C6orf62: variants seen among roughly 807,000 people sequenced by gnomAD.
C6orf62 encodes chromosome 6 open reading frame 62, also known as uncharacterized protein C6orf62.
C6orf62 carries 16 observed loss-of-function variants against 26.8 expected under a neutral mutation model. That is an observed-to-expected ratio of 0.60 (90% confidence interval 0.40 to 0.91). The LOEUF (loss-of-function observed/expected upper bound fraction) is 0.91, where lower values mean the gene tolerates loss of function less well. Ranked by LOEUF, C6orf62 falls within the 40% of genes least tolerant of loss-of-function variation. The probability of loss-of-function intolerance (pLI) is 0.00; values close to 1 mark genes in which losing one functional copy is unlikely to be tolerated. For missense variants in C6orf62, 192 were observed against 271.4 expected (o/e 0.71, Z 2.06); for synonymous variants, 112 against 91.5 (o/e 1.22, Z -1.28).
upstream of C6orf62, chr6:24,720,296 G>A (rs1273408021): frequency 1.1e-5 from 14 of 1,294,412 alleles, no homozygotes; most frequent in Non-Finnish European, 1.4e-5. Flanking sequence ...GGCGGCGGCG[G>A]CGGGGGCGCT....
At chr6:24,717,250 T>C (rs1779253541) in intron 1 of C6orf62, among the ~76,000 whole-genome samples, 1 of 152,186 alleles carries the variant, frequency 6.6e-6, no homozygotes, top group Non-Finnish European at 1.5e-5. Flanking sequence ...AATATATAGA[T>C]TAAATACAAA....
chr6:24,720,556 C>A (rs1039360300), upstream of C6orf62: 4 of 234,260 alleles, frequency 1.7e-5, no homozygotes, highest in Non-Finnish European at 2.1e-5. Flanking sequence ...TGGATTGGTA[C>A]TGGCGGCGGA....
At chr6:24,710,622 T>C in intron 3 of C6orf62, 1 of 984,118 alleles carries the variant, frequency 1.0e-6, no homozygotes, top group Non-Finnish European at 1.2e-6. Flanking sequence ...TAACAGTAAG[T>C]AACACGGGAA....
chr6:24,719,714 G>A (rs1779315385), upstream of C6orf62: 1 of 1,504,388 alleles, frequency 6.6e-7, no homozygotes, highest in Non-Finnish European at 8.9e-7. Flanking sequence ...CAAAATGGTG[G>A]GGAGTGCGAT....
At chr6:24,720,270 TGGCGGCGGCGGAAGA>T (rs1554193160), upstream of C6orf62, 11 of 1,294,448 alleles carry the variant, frequency 8.5e-6, no homozygotes, top group South Asian at 1.2e-4. Flanking sequence ...GGCGGAGCGG[TGGCGGCGGCGGAAGA>T]GGCGGCGGCG....
At chr6:24,719,401 G>A (rs1233320253), upstream of C6orf62, 1 of 1,027,372 alleles carries the variant, frequency 9.7e-7, no homozygotes, top group Non-Finnish European at 1.2e-6. Context: ...GAGAGGTACA[G>A]GGTTTCCCTG....
Position 24,718,836 on chromosome 6 carries a change from G to C in C6orf62, c.-168C>G. On this transcript the variant is annotated 5_prime_UTR_variant, in exon 1 of 5. Transcript: ENST00000378119. Reference sequence around the variant, plus strand: ...AAAACTGCACCTTCTGTCAATATTAGCAGACTGTCATATTACAGGGTCAAG... The same window carrying C: ...AAAACTGCACCTTCTGTCAATATTACCAGACTGTCATATTACAGGGTCAAG... 1.4e-6 allele frequency: 2 copies of C among 1,471,976 alleles called. No individual in the cohort carries two copies. Among genetic ancestry groups the C allele is most frequent in the Non-Finnish European group, 1.8e-6 (2 of 1,120,648 alleles). The allele number at this position is 1,471,976 out of a possible 1,614,324, so 91.2% of individuals were successfully genotyped here.
chr6:24,715,565 G>A (rs532597512), intron 2 of C6orf62, among the ~76,000 whole-genome samples: 1 of 152,188 alleles, frequency 6.6e-6, no homozygotes, highest in East Asian at 1.9e-4. Flanking sequence ...GTTGGCTACT[G>A]GCAGGGTGCA....
intron 3 of C6orf62, chr6:24,710,447 A>G: frequency 5.0e-6 from 2 of 396,806 alleles, no homozygotes; most frequent in Non-Finnish European, 6.8e-6. Flanking sequence ...TGTTTTTAGT[A>G]GAGATAGGAC....
Position 24,708,861 on chromosome 6 carries a change from T to C in C6orf62, c.480A>G (p.Val160=). Residue 160 remains valine, a synonymous_variant, in exon 4 of 5, where the codon GTA becomes GTG. Coordinates refer to ENST00000378119, the MANE Select transcript of C6orf62 (RefSeq NM_030939.5). ...TTCCAGTCTTGTCCTTGCGGCTCAG[T>C]ACATGCAGAAACTGTTTTTCATAGT... ...HGDYEKQFLH[V]LSRKDKTGIV... is the part of the protein sequence containing the mutation. 1 of 1,614,234 alleles carries C rather than the reference T, an allele frequency of 6.2e-7. No homozygotes were observed. The highest frequency in any genetic ancestry group is 1.1e-5 in the South Asian group (1 of 91,088).
chr6:24,715,106 C>T (rs906075687), intron 2 of C6orf62, among the ~76,000 whole-genome samples: 2 of 152,200 alleles, frequency 1.3e-5, no homozygotes, highest in African/African-American at 4.8e-5. Flanking sequence ...CTTAGAACTC[C>T]TAATATGAAT....
At chr6:24,706,898 A>G (rs1217064386) in intron 4 of C6orf62, 1 of 152,232 alleles carries the variant, frequency 6.6e-6, no homozygotes, top group African/African-American at 2.4e-5. Flanking sequence ...GACAGAGTTG[A>G]GACCTTGTCT....
At position 24,718,747 on chromosome 6, in the gene C6orf62, C is replaced by G; in HGVS notation, c.-79G>C. 6 of 1,581,848 alleles carry G rather than the reference C, an allele frequency of 3.8e-6. No homozygotes were observed. The stretch of plus-strand genomic sequence containing the variant: ...ACTTTTTCTTAAGACTCAAGTACAA[C>G]AGAAACAAGTCATTTTTTTTCCTGC... On this transcript the variant is annotated 5_prime_UTR_variant, in exon 1 of 5. Transcript: ENST00000378119.
At chr6:24,708,941 A>G (rs771563470) in intron 3 of C6orf62, 30 bp from the exon 4 acceptor site, 3 of 1,613,232 alleles carry the variant, frequency 1.9e-6, no homozygotes, top group African/African-American at 2.7e-5. Flanking sequence ...TTTATATTAA[A>G]CTACAAACAA....
In C6orf62 at chr6:24,704,924, TTTTTC is replaced by T. The variant is rs1459220910; in HGVS notation, c.*1208_*1212del. 10 of 152,218 alleles carry T rather than the reference TTTTTC, an allele frequency of 6.6e-5. No individual in the cohort carries two copies. The highest frequency in any genetic ancestry group is 6.3e-4 in the South Asian group (3 of 4,752). 9.4% of individuals were successfully genotyped at this position (152,218 alleles called of 1,614,324 possible). Reference sequence around the variant, plus strand: ...ATTTTATTTAGGTTTTCTTTTTCTTTTTTTCTTTTTTTTTCAAATTCCAACCAGAA... The same window carrying T: ...ATTTTATTTAGGTTTTCTTTTTCTTTTTTTTTTTTCAAATTCCAACCAGAA... On this transcript the variant is annotated 3_prime_UTR_variant, in exon 5 of 5. Coordinates refer to ENST00000378119, the MANE Select transcript of C6orf62 (RefSeq NM_030939.5).
chr6:24,707,107 T>C (rs2127631938), intron 4 of C6orf62: 1 of 152,372 alleles, frequency 6.6e-6, no homozygotes, highest in East Asian at 1.9e-4. Context: ...TGAAGATGTC[T>C]GAAGTAGCCT....
chr6:24,708,525 A>T (rs189973840), intron 4 of C6orf62, among the ~76,000 whole-genome samples: 2 of 152,052 alleles, frequency 1.3e-5, no homozygotes, highest in East Asian at 3.9e-4. Context: ...TTCTGTAGAG[A>T]TGGGGTTTCG....
chr6:24,708,474 A>C (rs1779057368), intron 4 of C6orf62, among the ~76,000 whole-genome samples: 1 of 152,078 alleles, frequency 6.6e-6, no homozygotes, highest in Non-Finnish European at 1.5e-5. Context: ...AGTAGCTGGG[A>C]CTACAGGCAC....
At chr6:24,720,196 G>A, upstream of C6orf62, 3 of 1,360,270 alleles carry the variant, frequency 2.2e-6, no homozygotes, top group Non-Finnish European at 2.8e-6. Flanking sequence ...CCCTGTCCCC[G>A]CGGAGCCCGG....
Sources: allele counts gnomAD v4.1 joint callset (sites outside exome capture counted in the v4.1 genomes callset), GRCh38; gene constraint gnomAD v4.1.1; transcripts MANE v1.5; gene names NCBI Gene and HGNC (gene_info 2026-07-23, HGNC 2026-07-21).